Variants in SLC44A1 observed in about 807,000 individuals in gnomAD.
SLC44A1 encodes solute carrier family 44 member 1.
In SLC44A1, 26 loss-of-function variants were observed where a neutral mutation model predicts 79.3. That is an observed-to-expected ratio of 0.33 (90% CI 0.24 to 0.46). SLC44A1 has a LOEUF of 0.46. Among genes scored for constraint, SLC44A1 ranks in the 20% least tolerant of loss-of-function variants. The pLI is 1.00. For synonymous variants in SLC44A1, 263 were observed against 286.2 expected (o/e 0.92, Z 0.82); for missense variants, 688 against 798.1 (o/e 0.86, Z 1.66).
rs548629424 is a variant in SLC44A1, at chr9:105,393,451, T to C, written c.*4395T>C. On this transcript the variant is annotated 3_prime_UTR_variant, in exon 16 of 16. Coordinates refer to ENST00000374720, the MANE Select transcript of SLC44A1 (RefSeq NM_080546.5). ...TATGAATTTAGAATAGCACACTTTT[T>C]CCATTCAGATTTCATACATTTGAGC... The C allele has an allele frequency of 5.5e-5, 54 of 984,398 alleles. No individual in the cohort carries two copies. In the East Asian group the frequency reaches 4.1e-3, roughly 74 times the overall value. 61.0% of individuals were successfully genotyped at this position (984,398 alleles called of 1,614,324 possible).
chr9:105,298,654 T>C (rs986105646), intron 1 of SLC44A1, among the ~76,000 whole-genome samples: 2 of 152,174 alleles, frequency 1.3e-5, no homozygotes, highest in African/African-American at 4.8e-5. Flanking sequence ...CCGGCCTGAA[T>C]AGGAATCCAT....
At chr9:105,263,840 A>G (rs1829898767) in intron 1 of SLC44A1, among the ~76,000 whole-genome samples, 1 of 152,042 alleles carries the variant, frequency 6.6e-6, no homozygotes, top group African/African-American at 2.4e-5. Flanking sequence ...CCCAGCTCAT[A>G]TGTTTGTATT....
At chr9:105,340,776 A>G (rs1278894074) in intron 4 of SLC44A1, among the ~76,000 whole-genome samples, 1 of 152,204 alleles carries the variant, frequency 6.6e-6, no homozygotes, top group East Asian at 1.9e-4. Context: ...TATTACCTCT[A>G]GAAATTAAAG....
Position 105,396,749 on chromosome 9 carries a change from A to G in SLC44A1, c.*7693A>G, listed in dbSNP as rs1040783525. The G allele has an allele frequency of 2.0e-6, 2 of 979,712 alleles. No individual in the cohort carries two copies. The highest frequency in any genetic ancestry group is 2.4e-6 in the Non-Finnish European group (2 of 828,528). 60.7% of individuals were successfully genotyped at this position (979,712 alleles called of 1,614,324 possible). On this transcript the variant is annotated 3_prime_UTR_variant, in exon 16 of 16. Transcript: ENST00000374720. ...TTTTTTTTTTTGCCATTTGCATCCTATTTCATAGTGCCAAAATGAATTTTT... is the reference window on the plus strand; with the variant it reads ...TTTTTTTTTTTGCCATTTGCATCCTGTTTCATAGTGCCAAAATGAATTTTT...
intron 13 of SLC44A1, among the ~76,000 whole-genome samples, chr9:105,379,837 G>C (rs1293980756): frequency 1.3e-5 from 2 of 152,116 alleles, no homozygotes; most frequent in East Asian, 1.9e-4. Context: ...CTTTGCTTCT[G>C]TGTGAAATTA....
chr9:105,323,313 G>A (rs1474575691), intron 3 of SLC44A1, among the ~76,000 whole-genome samples: 1 of 151,904 alleles, frequency 6.6e-6, no homozygotes, highest in Admixed American at 6.6e-5. Flanking sequence ...GCAATACAAT[G>A]GGAACAACAT....
At chr9:105,420,882 AAAAAAAAG>A (rs1829240143) in intron 15 of SLC44A1, among the ~76,000 whole-genome samples, 1 of 150,494 alleles carries the variant, frequency 6.6e-6, no homozygotes, top group African/African-American at 2.4e-5. Flanking sequence ...AAAAAAAAAA[AAAAAAAAG>A]GATGGTCTAG....
At chr9:105,300,666 A>G (rs1057388311) in intron 2 of SLC44A1, among the ~76,000 whole-genome samples, 10 of 152,238 alleles carry the variant, frequency 6.6e-5, no homozygotes, top group African/African-American at 1.9e-4. Flanking sequence ...CAAAATACTC[A>G]TCTCCTAACT....
intron 2 of SLC44A1, among the ~76,000 whole-genome samples, chr9:105,307,268 T>C (rs933981942): frequency 2.0e-5 from 3 of 152,192 alleles, no homozygotes; most frequent in African/African-American, 7.2e-5. Flanking sequence ...CAGCTAGTAA[T>C]TGGCAGAGTG....
intron 15 of SLC44A1, among the ~76,000 whole-genome samples, chr9:105,430,532 A>G (rs1284643282): frequency 6.6e-6 from 1 of 152,180 alleles, no homozygotes; most frequent in African/African-American, 2.4e-5. Flanking sequence ...CAATATGTAG[A>G]ATTATTTTTG....
chr9:105,246,609 T>C (rs1488185756), intron 1 of SLC44A1, among the ~76,000 whole-genome samples: 5 of 152,164 alleles, frequency 3.3e-5, no homozygotes, highest in Admixed American at 2.0e-4. Flanking sequence ...GGGGGTCTAG[T>C]TGGGTGCTCT....
intron 15 of SLC44A1, chr9:105,386,096 G>C (rs2131471903): frequency 1.0e-6 from 1 of 985,076 alleles, no homozygotes; most frequent in Middle Eastern, 5.2e-4. Context: ...AGACAATCTA[G>C]TCTTCTCCCA....
chr9:105,302,706 C>T (rs1157778543), intron 2 of SLC44A1, among the ~76,000 whole-genome samples: 1 of 151,836 alleles, frequency 6.6e-6, no homozygotes, highest in Non-Finnish European at 1.5e-5. Flanking sequence ...TTCCTCAGGC[C>T]TACCTCAGGG....
intron 3 of SLC44A1, among the ~76,000 whole-genome samples, chr9:105,320,522 A>G (rs78070963): frequency 0.052 from 7,929 of 151,960 alleles, 684 homozygotes; most frequent in African/African-American, 0.18. Context: ...TATTTGCTTC[A>G]CTTCCTCCTA....
chr9:105,290,682 G>A (rs1830583142), intron 1 of SLC44A1, among the ~76,000 whole-genome samples: 1 of 152,174 alleles, frequency 6.6e-6, no homozygotes, highest in Non-Finnish European at 1.5e-5. Context: ...ATTTTTTAGG[G>A]GAATTGGAGG....
chr9:105,386,415 G>T (rs2131472512), intron 15 of SLC44A1: 2 of 981,894 alleles, frequency 2.0e-6, no homozygotes, highest in East Asian at 1.1e-4. Context: ...TGCATATAAT[G>T]TTCAAAAGTG....
chr9:105,370,687 G>A (rs910327825), intron 12 of SLC44A1, among the ~76,000 whole-genome samples: 4 of 152,302 alleles, frequency 2.6e-5, no homozygotes, highest in Admixed American at 6.5e-5. Context: ...CATTCTCCTC[G>A]TGTAAGCTGG....
chr9:105,385,427 T>C lies in SLC44A1; in HGVS notation c.1875T>C (p.Phe625=). ...EFYMDKVLME[F]VENSRKAMKE... ...ATATGGTCCATATTTTGCAGGAGTT[T>C]GTGGAAAACAGTAGGAAAGCAATGA... Residue 625 remains phenylalanine, a synonymous_variant, in exon 15 of 16, where the codon TTT becomes TTC. Transcript: ENST00000374720. The C allele has an allele frequency of 6.3e-7, 1 of 1,582,616 alleles. No individual in the cohort carries two copies. The highest frequency in any genetic ancestry group is 8.6e-7 in the Non-Finnish European group (1 of 1,163,536).
chr9:105,300,324 C>T (rs1478717358), intron 2 of SLC44A1, among the ~76,000 whole-genome samples: 1 of 152,154 alleles, frequency 6.6e-6, no homozygotes, highest in Non-Finnish European at 1.5e-5. Context: ...TAGTCTTCTA[C>T]AATTCAAAAT....
Sources: allele counts gnomAD v4.1 joint callset (sites outside exome capture counted in the v4.1 genomes callset), GRCh38; gene constraint gnomAD v4.1.1; transcripts MANE v1.5; gene names NCBI Gene and HGNC (gene_info 2026-07-23, HGNC 2026-07-21).